The following RUNDC3B variants were observed in gnomAD, a reference collection of about 807,000 sequenced individuals.
RUNDC3B encodes RUN domain containing 3B.
RUNDC3B carries 33 observed loss-of-function variants against 58.4 expected under a neutral mutation model. The ratio of observed to expected loss-of-function variants is 0.56; its 90% CI spans 0.43 to 0.75. The LOEUF (loss-of-function observed/expected upper bound fraction) is 0.75. RUNDC3B is among the 30% of genes least tolerant of loss of function. The pLI is 0.00. For missense variants in RUNDC3B, 501 were observed against 535.7 expected, an observed-to-expected ratio of 0.94 and a Z score of 0.64; for synonymous variants, 193 against 195.2, an observed-to-expected ratio of 0.99 and a Z score of 0.10.
At chr7:87,803,898 G>A (rs555616771) in intron 8 of RUNDC3B, among the ~76,000 whole-genome samples, 1 of 152,126 alleles carries the variant, frequency 6.6e-6, no homozygotes, top group Non-Finnish European at 1.5e-5. Flanking sequence ...AGCTGGAAAA[G>A]TTTTCATTTA....
At chr7:87,716,939 C>T (rs539045372) in intron 4 of RUNDC3B, among the ~76,000 whole-genome samples, 1 of 152,288 alleles carries the variant, frequency 6.6e-6, no homozygotes, top group South Asian at 2.1e-4. Flanking sequence ...CAGGCTCAAG[C>T]CATCTTTCCA....
At chr7:87,710,270 T>C (rs1228230896) in intron 3 of RUNDC3B, among the ~76,000 whole-genome samples, 1 of 152,182 alleles carries the variant, frequency 6.6e-6, no homozygotes, top group Non-Finnish European at 1.5e-5. Flanking sequence ...ATATCTTATA[T>C]AATTACATCA....
At chr7:87,700,645 T>A in intron 3 of RUNDC3B, 91 bp downstream of exon 3, 2 of 1,224,014 alleles carry the variant, frequency 1.6e-6, no homozygotes, top group Middle Eastern at 2.0e-4. Flanking sequence ...TACTATGAAT[T>A]TCCTTTTCTT....
At chr7:87,724,386 T>C (rs1175400163) in intron 4 of RUNDC3B, among the ~76,000 whole-genome samples, 2 of 152,190 alleles carry the variant, frequency 1.3e-5, no homozygotes, top group South Asian at 2.1e-4. Context: ...ATATTTTGGA[T>C]TGTTTCTAAA....
intron 1 of RUNDC3B, among the ~76,000 whole-genome samples, chr7:87,643,676 A>G (rs554073210): frequency 2.1e-4 from 31 of 149,252 alleles, no homozygotes; most frequent in Non-Finnish European, 3.0e-4. Context: ...GCATGCCGCC[A>G]TGCTCAGCTG....
intron 8 of RUNDC3B, among the ~76,000 whole-genome samples, chr7:87,791,861 T>C (rs543836649): frequency 7.2e-5 from 11 of 152,152 alleles, no homozygotes; most frequent in African/African-American, 2.4e-4. Flanking sequence ...GTAATCCCCT[T>C]CTTATAGATA....
At chr7:87,663,150 T>G (rs944603313) in intron 2 of RUNDC3B, among the ~76,000 whole-genome samples, 1 of 152,182 alleles carries the variant, frequency 6.6e-6, no homozygotes, top group African/African-American at 2.4e-5. Context: ...GTGAATTCTT[T>G]AGGTTATCCA....
At chr7:87,713,501 A>G (rs1017756525) in intron 4 of RUNDC3B, among the ~76,000 whole-genome samples, 11 of 152,274 alleles carry the variant, frequency 7.2e-5, no homozygotes, top group African/African-American at 2.2e-4. Context: ...CTTTTTGCTA[A>G]GGTGTAGGAC....
chr7:87,741,343 C>T (rs1333455960), intron 5 of RUNDC3B, among the ~76,000 whole-genome samples, 156 bp from the exon 6 acceptor site: 1 of 151,922 alleles, frequency 6.6e-6, no homozygotes, highest in Non-Finnish European at 1.5e-5. Context: ...TTTATTCAGG[C>T]GTTTATTTCT....
At position 87,805,576 on chromosome 7, in the gene RUNDC3B, A is replaced by G. The variant is rs1836394979; in HGVS notation, c.957-1797A>G. Reference sequence around the variant, plus strand: ...TCATTAGGCAAAAATCTCCGTGGACAATAGTTATATAAAAACTGTTGTGGA... The same window carrying G: ...TCATTAGGCAAAAATCTCCGTGGACGATAGTTATATAAAAACTGTTGTGGA... On this transcript the variant is annotated intron_variant, in intron 8 of 10. Coordinates refer to ENST00000394654, the MANE Select transcript of RUNDC3B (RefSeq NM_001134405.2). Among the ~76,000 whole-genome samples, 5 of 152,204 alleles carry G rather than the reference A, an allele frequency of 3.3e-5. No homozygotes were observed. The South Asian group carries it at 1.0e-3, about 31-fold the overall frequency.
At chr7:87,736,185 A>G (rs1306656313) in intron 4 of RUNDC3B, among the ~76,000 whole-genome samples, 1 of 152,214 alleles carries the variant, frequency 6.6e-6, no homozygotes, top group Non-Finnish European at 1.5e-5. Flanking sequence ...AAGCATGCCA[A>G]TAATGAAATT....
Position 87,628,862 on chromosome 7 carries a change from C to G in RUNDC3B, c.39C>G (p.Arg13=). Residue 13 remains arginine (R), a synonymous_variant, in exon 1 of 11, where the codon CGC becomes CGG. Coordinates refer to ENST00000394654, the MANE Select transcript of RUNDC3B (RefSeq NM_001134405.2). The stretch of plus-strand genomic sequence containing the variant: ...GCCTGGGGGGCCTGAGCGGGATCCG[C>G]GGCGGTGGCGGCGGAGGCGGCAAGA... ...SRSLGGLSGI[R]GGGGGGGKKS... 7.8e-7 allele frequency: 1 copy of G among 1,277,860 alleles called. No homozygotes were observed. The highest frequency in any genetic ancestry group is 1.0e-6 in the Non-Finnish European group (1 of 1,004,934). 79.2% of individuals were successfully genotyped at this position (1,277,860 alleles called of 1,614,324 possible).
intron 3 of RUNDC3B, among the ~76,000 whole-genome samples, chr7:87,707,352 G>A (rs1829694141): frequency 6.6e-6 from 1 of 152,006 alleles, no homozygotes; most frequent in African/African-American, 2.4e-5. Context: ...CTAGACAACT[G>A]AAATACATAA....
At chr7:87,778,965 A>G (rs1179158547) in intron 8 of RUNDC3B, among the ~76,000 whole-genome samples, 1 of 152,116 alleles carries the variant, frequency 6.6e-6, no homozygotes, top group Non-Finnish European at 1.5e-5. Context: ...TGTTTCCTAG[A>G]TTCATTATTT....
intron 8 of RUNDC3B, among the ~76,000 whole-genome samples, chr7:87,785,952 G>A (rs1025085297): frequency 6.6e-6 from 1 of 152,104 alleles, no homozygotes; most frequent in Admixed American, 6.5e-5. Flanking sequence ...CTCCCCCCTT[G>A]CTTTGGCTCT....
chr7:87,682,715 A>T (rs1827045570), intron 2 of RUNDC3B, among the ~76,000 whole-genome samples: 1 of 152,222 alleles, frequency 6.6e-6, no homozygotes. Context: ...TTGTTGCTCC[A>T]TTTATAGAGC....
At chr7:87,686,647 A>G (rs1401539768) in intron 2 of RUNDC3B, among the ~76,000 whole-genome samples, 1 of 152,040 alleles carries the variant, frequency 6.6e-6, no homozygotes, top group East Asian at 1.9e-4. Context: ...ACTGATTAAA[A>G]TGAAAAAGTT....
intron 4 of RUNDC3B, among the ~76,000 whole-genome samples, chr7:87,716,150 A>G (rs761733768): frequency 6.6e-6 from 1 of 152,180 alleles, no homozygotes; most frequent in Non-Finnish European, 1.5e-5. Flanking sequence ...TCTGCCTACC[A>G]TCATTAAAAT....
intron 6 of RUNDC3B, among the ~76,000 whole-genome samples, chr7:87,747,628 G>A (rs1485532064): frequency 6.6e-6 from 1 of 152,104 alleles, no homozygotes; most frequent in African/African-American, 2.4e-5. Flanking sequence ...GCGTGTCTGA[G>A]CTCAGACTCT....
Sources: gnomAD v4.1 joint callset for allele counts (sites outside exome capture counted in the v4.1 genomes callset) on GRCh38, gnomAD v4.1.1 for gene constraint, MANE v1.5 for transcripts, NCBI Gene and HGNC (gene_info 2026-07-23, HGNC 2026-07-21) for gene names.